TMC2: variants seen among roughly 807,000 people sequenced by gnomAD.
TMC2 encodes transmembrane channel like 2, also known as transmembrane channel-like protein 2.
A neutral mutation model predicts 105.9 loss-of-function variants in TMC2; 102 were observed. The observed-to-expected ratio is 0.96, with a 90% CI of 0.82 to 1.14. TMC2 has a LOEUF of 1.14. Ranked by LOEUF, TMC2 falls within the 50% of genes most tolerant of loss-of-function variation. The probability of loss-of-function intolerance (pLI) is 0.00; values close to 1 mark genes in which losing one functional copy is unlikely to be tolerated. For missense variants in TMC2, 1,093 were observed against 1,134.3 expected, an observed-to-expected ratio of 0.96 and a Z score of 0.52; for synonymous variants, 402 against 422.8, an observed-to-expected ratio of 0.95 and a Z score of 0.60.
chr20:2,547,618 G>T (rs2085933066), intron 2 of TMC2, among the ~76,000 whole-genome samples: 1 of 152,096 alleles, frequency 6.6e-6, no homozygotes, highest in Non-Finnish European at 1.5e-5. Context: ...AAATCTCAAA[G>T]GTAGTCTTAG....
At chr20:2,605,846 G>C (rs570094069) in intron 11 of TMC2, among the ~76,000 whole-genome samples, 1 of 152,336 alleles carries the variant, frequency 6.6e-6, no homozygotes. Flanking sequence ...GCAGCTTGCT[G>C]TTTAGGCTGG....
intron 2 of TMC2, among the ~76,000 whole-genome samples, chr20:2,540,176 G>A (rs2085879871): frequency 6.6e-6 from 1 of 151,256 alleles, no homozygotes. Context: ...ATTTTTAGTA[G>A]AGACCGGGTT....
At chr20:2,638,285 G>A (rs980563543) in intron 19 of TMC2, among the ~76,000 whole-genome samples, 2 of 151,296 alleles carry the variant, frequency 1.3e-5, no homozygotes, top group African/African-American at 2.4e-5. Flanking sequence ...AGCTTGCAGT[G>A]AGCCGAGCTT....
In TMC2 at chr20:2,558,104, A is replaced by C. The variant is rs2085995621; in HGVS notation, c.83-352A>C. On this transcript the variant is annotated intron_variant, in intron 2 of 19. Transcript: ENST00000358864. The surrounding 1 kb of genome is among the most constrained non-coding windows in gnomAD (Gnocchi z 4.6). Reference sequence around the variant, plus strand: ...GGACAAAAGGGTATGATGTCATGGTAATCAACCAGGGGGAAGTAGCAAGGC... The same window carrying C: ...GGACAAAAGGGTATGATGTCATGGTCATCAACCAGGGGGAAGTAGCAAGGC... The C allele has an allele frequency of 3.6e-6, 1 of 275,730 alleles. No individual in the cohort carries two copies. The highest frequency in any genetic ancestry group is 8.9e-5 in the East Asian group (1 of 11,282). The allele number at this position is 275,730 out of a possible 1,614,324, so 17.1% of individuals were successfully genotyped here.
At chr20:2,617,041 C>T (rs1369880922) in intron 15 of TMC2, 31 bp from the exon 16 acceptor site, 1 of 1,613,368 alleles carries the variant, frequency 6.2e-7, no homozygotes, top group Non-Finnish European at 8.5e-7. Context: ...TGCTGTCCAG[C>T]CAACCAGGTG....
intron 9 of TMC2, 130 bp downstream of exon 9, chr20:2,595,097 T>C: frequency 1.2e-5 from 13 of 1,046,700 alleles, no homozygotes; most frequent in Non-Finnish European, 1.8e-5. Context: ...AGAAAGCATA[T>C]GCACATTATA....
At chr20:2,566,715 G>T (rs1293717655) in intron 4 of TMC2, among the ~76,000 whole-genome samples, 1 of 152,176 alleles carries the variant, frequency 6.6e-6, no homozygotes, top group Non-Finnish European at 1.5e-5. Flanking sequence ...AAAGAAGAAG[G>T]CAAACTGGCT....
intron 2 of TMC2, among the ~76,000 whole-genome samples, chr20:2,543,901 C>CAT (rs2085907007): frequency 1.9e-5 from 2 of 102,734 alleles, no homozygotes; most frequent in South Asian, 6.5e-4. Flanking sequence ...ACCTGCATGT[C>CAT]AGTTTTTTTT....
At chr20:2,597,093 C>T in intron 9 of TMC2, 58 bp from the exon 10 acceptor site, 2 of 1,575,714 alleles carry the variant, frequency 1.3e-6, no homozygotes, top group Non-Finnish European at 1.7e-6. Context: ...CCAAGGTTCC[C>T]TGGGGGTGAC....
At chr20:2,572,338 C>A (rs11906107) in intron 5 of TMC2, 69 bp downstream of exon 5, 128,204 of 1,246,108 alleles carry the variant, frequency 0.1, 7,378 homozygotes, top group African/African-American at 0.2. Context: ...CGACCAACTT[C>A]GGCAACTGCC....
At chr20:2,567,225 C>T (rs914909505) in intron 4 of TMC2, among the ~76,000 whole-genome samples, 4 of 152,206 alleles carry the variant, frequency 2.6e-5, no homozygotes, top group Admixed American at 1.3e-4. Context: ...GAGGCCTGAA[C>T]CCCATCCCTG....
intron 17 of TMC2, among the ~76,000 whole-genome samples, chr20:2,630,383 CAT>C (rs1292305601): frequency 3.9e-5 from 6 of 152,172 alleles, no homozygotes; most frequent in African/African-American, 1.4e-4. Context: ...TTGTTAGGTG[CAT>C]ATATGTTTTT....
intron 10 of TMC2, among the ~76,000 whole-genome samples, chr20:2,601,276 T>G (rs2086349827): frequency 6.6e-6 from 1 of 152,262 alleles, no homozygotes. Flanking sequence ...TATTTACATC[T>G]TGTCTATGGT....
At chr20:2,569,519 G>T (rs1490297651) in intron 4 of TMC2, among the ~76,000 whole-genome samples, 1 of 152,108 alleles carries the variant, frequency 6.6e-6, no homozygotes, top group Non-Finnish European at 1.5e-5. Flanking sequence ...TTACTTAATG[G>T]CCTTTTTGGG....
chr20:2,597,352 A>G (rs2086316406), intron 10 of TMC2, 54 bp downstream of exon 10: 1 of 1,542,810 alleles, frequency 6.5e-7, no homozygotes, highest in Non-Finnish European at 8.9e-7. Flanking sequence ...CCCTCTGGTC[A>G]TTGAGAGACT....
intron 2 of TMC2, among the ~76,000 whole-genome samples, chr20:2,544,701 A>C (rs1372445262): frequency 6.6e-6 from 1 of 152,084 alleles, no homozygotes; most frequent in Non-Finnish European, 1.5e-5. Context: ...GCATTGTCTA[A>C]ATCATCTGCT....
chr20:2,574,001 C>T (rs1183608215), intron 5 of TMC2, among the ~76,000 whole-genome samples: 2 of 152,166 alleles, frequency 1.3e-5, no homozygotes, highest in African/African-American at 4.8e-5. Flanking sequence ...TAATGGTGAT[C>T]ATAGCTCTCC....
At chr20:2,608,299 A>ATTTATT (rs1480863781) in intron 11 of TMC2, among the ~76,000 whole-genome samples, 1 of 98,916 alleles carries the variant, frequency 1.0e-5, no homozygotes, top group Non-Finnish European at 2.1e-5. Flanking sequence ...CCTTATTTTT[A>ATTTATT]TTTATTATTA....
At chr20:2,613,617 T>C in intron 14 of TMC2, 1 of 373,640 alleles carries the variant, frequency 2.7e-6, no homozygotes, top group Non-Finnish European at 5.2e-6. Context: ...CAATGGTTGA[T>C]AGGGAATTGC....
Sources: gnomAD v4.1 joint callset for allele counts (sites outside exome capture counted in the v4.1 genomes callset) on GRCh38, gnomAD v4.1.1 for gene constraint, Gnocchi (gnomAD v3.1) non-coding constraint, MANE v1.5 for transcripts, NCBI Gene and HGNC (gene_info 2026-07-23, HGNC 2026-07-21) for gene names.